The following PRKAG2 variants were observed in gnomAD, a reference collection of about 807,000 sequenced individuals.
PRKAG2 encodes the protein protein kinase AMP-activated non-catalytic subunit gamma 2, also known as 5'-AMP-activated protein kinase subunit gamma-2.
A neutral mutation model predicts 69.6 loss-of-function variants in PRKAG2; 26 were observed. The ratio of observed to expected loss-of-function variants is 0.37; its 90% CI spans 0.27 to 0.52. PRKAG2 has a LOEUF of 0.52. Among genes scored for constraint, PRKAG2 ranks in the 20% least tolerant of loss-of-function variants. The probability of loss-of-function intolerance (pLI) is 0.90; values close to 1 mark genes in which losing one functional copy is unlikely to be tolerated. For missense variants in PRKAG2, 557 were observed against 740.0 expected, an observed-to-expected ratio of 0.75 and a Z score of 2.87; for synonymous variants, 293 against 285.0, an observed-to-expected ratio of 1.03 and a Z score of -0.28.
intron 4 of PRKAG2, among the ~76,000 whole-genome samples, chr7:151,664,018 G>A (rs1006597038): frequency 2.0e-4 from 30 of 152,210 alleles, no homozygotes; most frequent in African/African-American, 7.0e-4. Context: ...ATGAATGCAC[G>A]TAGCTGTGTG....
chr7:151,839,718 T>C (rs1168765828), intron 1 of PRKAG2, among the ~76,000 whole-genome samples: 1 of 152,202 alleles, frequency 6.6e-6, no homozygotes, highest in East Asian at 1.9e-4. Context: ...TGCTCCAGGC[T>C]CTAGCTCTGT....
chr7:151,631,597 C>A (rs1824420654), intron 5 of PRKAG2: 1 of 445,148 alleles, frequency 2.2e-6, no homozygotes, highest in Non-Finnish European at 4.6e-6. Flanking sequence ...TTCAGGTTTT[C>A]CTATTTAACT....
At chr7:151,682,814 CCTGAGGGTGGGGGT>C (rs1834082400) in intron 3 of PRKAG2, among the ~76,000 whole-genome samples, 1 of 147,494 alleles carries the variant, frequency 6.8e-6, no homozygotes, top group Admixed American at 6.8e-5. Context: ...GAGGAGAGGG[CCTGAGGGTGGGGGT>C]GGGACGGTGG....
rs903998263 is a variant in PRKAG2, at chr7:151,567,498, G to A, written c.1233+1218C>T. The stretch of plus-strand genomic sequence containing the variant: ...ATTAAGTGAGCTGCAGGCCTGGCAC[G>A]TGGGGGCCCTGAATACATCCTTCCC... On this transcript the variant is annotated intron_variant, in intron 11 of 15. Transcript: ENST00000287878. The surrounding 1 kb of genome is among the most constrained non-coding windows in gnomAD (Gnocchi z 4.2). 5.3e-5 allele frequency among the ~76,000 whole-genome samples: 8 copies of A among 152,194 alleles called. 1 individual carries two copies. Among genetic ancestry groups the A allele is most frequent in the East Asian group, 3.9e-4 (2 of 5,184 alleles).
intron 3 of PRKAG2, among the ~76,000 whole-genome samples, chr7:151,678,743 G>T (rs545251582): frequency 9.2e-5 from 14 of 152,224 alleles, no homozygotes; most frequent in Non-Finnish European, 1.5e-4. Flanking sequence ...TGGACCACCT[G>T]AGGTTAGGAG....
At position 151,624,125 on chromosome 7, in the gene PRKAG2, G is replaced by A. The variant is rs528975186; in HGVS notation, c.754+7944C>T. 8.3e-4 allele frequency among the ~76,000 whole-genome samples: 124 copies of A among 150,182 alleles called. 4 individuals are homozygous for A. The highest frequency in any genetic ancestry group is 2.8e-4 in the Non-Finnish European group (19 of 67,772). Reference sequence around the variant, plus strand: ...ATACATGGGAAACAGCTCCAAGTGGGACAGAAGGCAGCGTGTGTGTGTGTG... The same window carrying A: ...ATACATGGGAAACAGCTCCAAGTGGAACAGAAGGCAGCGTGTGTGTGTGTG... On this transcript the variant is annotated intron_variant, in intron 5 of 15. Coordinates refer to ENST00000287878, the MANE Select transcript of PRKAG2 (RefSeq NM_016203.4).
rs397517277 is a variant in PRKAG2, at chr7:151,675,484, G to C, written c.620C>G (p.Ser207Cys). 6.2e-7 allele frequency: 1 copy of C among 1,614,206 alleles called. No individual in the cohort carries two copies. The highest frequency in any genetic ancestry group is 1.3e-5 in the African/African-American group (1 of 75,064). The change falls in exon 4 of 16, where the codon TCT becomes TGT. Residue 207 changes from serine (S) to cysteine (C), a missense_variant. This residue lies in a region of PRKAG2 where 352 missense variants were observed against 356.7 expected (regional missense o/e 0.99). Transcript: ENST00000287878. ...AGGCCTGGTCGGGCTCTGGAAGGAA[G>C]ACGGGCAGAACCTCTGCCCTGTGTC... is the stretch of plus-strand genomic sequence containing the variant. ...PPDTGQRFCP[S>C]SFQSPTRPPL... is the part of the protein sequence containing the mutation.
chr7:151,801,493 A>C (rs4128398), intron 1 of PRKAG2, among the ~76,000 whole-genome samples: 1 of 151,996 alleles, frequency 6.6e-6, no homozygotes, highest in Non-Finnish European at 1.5e-5. Context: ...GGCACCAGGC[A>C]GCCTCAGAAT....
chr7:151,782,319 A>G (rs1466849412), intron 2 of PRKAG2, among the ~76,000 whole-genome samples: 1 of 44,512 alleles, frequency 2.2e-5, no homozygotes, highest in Non-Finnish European at 4.2e-5. Flanking sequence ...GAAGGAAGGA[A>G]GGAAGGAAGG....
Position 151,632,464 on chromosome 7 carries a change from C to G in PRKAG2, c.685-326G>C. The G allele has an allele frequency of 1.4e-6, 1 of 725,486 alleles. No individual in the cohort carries two copies. Among genetic ancestry groups the G allele is most frequent in the South Asian group, 6.2e-5 (1 of 16,192 alleles). The allele number at this position is 725,486 out of a possible 1,614,324, so 44.9% of individuals were successfully genotyped here. Reference sequence around the variant, plus strand: ...CCCGGGAGCTCGAGGGCGGCAGCGCCTGGGCCCGGGGCGCCCCCCTCCGGC... The same window carrying G: ...CCCGGGAGCTCGAGGGCGGCAGCGCGTGGGCCCGGGGCGCCCCCCTCCGGC... On this transcript the variant is annotated intron_variant, in intron 4 of 15. Coordinates refer to ENST00000287878, the MANE Select transcript of PRKAG2 (RefSeq NM_016203.4). The surrounding 1 kb of genome is among the most constrained non-coding windows in gnomAD (Gnocchi z 4.2).
At chr7:151,692,825 C>T (rs982330457) in intron 3 of PRKAG2, among the ~76,000 whole-genome samples, 1 of 152,160 alleles carries the variant, frequency 6.6e-6, no homozygotes, top group Non-Finnish European at 1.5e-5. Context: ...CTCCCTCTGG[C>T]CCAAAGGTCA....
rs2076602293 is a variant in PRKAG2, at chr7:151,780,302, C to G, written c.466+850G>C. Among the ~76,000 whole-genome samples, 1 of 152,200 alleles carries G rather than the reference C, an allele frequency of 6.6e-6. No homozygotes were observed. The highest frequency in any genetic ancestry group is 2.1e-4 in the South Asian group (1 of 4,836). On this transcript the variant is annotated intron_variant, in intron 3 of 15. Transcript: ENST00000287878. This position sits in a 1 kb window ranked among gnomAD's most constrained non-coding sequence, Gnocchi z 4.2. ...GGCCTTGCAGATATAAAGCGTTGCT[C>G]TAACACACAGTATTGCCAGTCTTTC...
At chr7:151,651,851 T>G (rs1031880247) in intron 4 of PRKAG2, among the ~76,000 whole-genome samples, 8 of 151,728 alleles carry the variant, frequency 5.3e-5, no homozygotes, top group African/African-American at 1.9e-4. Flanking sequence ...TTATAAACAG[T>G]GAAACTCATA....
chr7:151,577,444 A>G (rs1809240817), intron 6 of PRKAG2, among the ~76,000 whole-genome samples: 1 of 152,236 alleles, frequency 6.6e-6, no homozygotes. Flanking sequence ...TAATAACCCA[A>G]GAAATGCAAA....
chr7:151,768,955 G>T (rs1353177249), intron 3 of PRKAG2, among the ~76,000 whole-genome samples: 1 of 152,224 alleles, frequency 6.6e-6, no homozygotes, highest in Non-Finnish European at 1.5e-5. Context: ...GACCTCAACA[G>T]ACTTGGAGTT....
intron 15 of PRKAG2, chr7:151,557,908 A>C (rs974485712): frequency 6.9e-5 from 68 of 982,598 alleles, no homozygotes; most frequent in African/African-American, 5.8e-4. Context: ...ACAAAAAAAA[A>C]ACCTTTATAA....
chr7:151,574,668 T>G (rs2151033586), intron 8 of PRKAG2, among the ~76,000 whole-genome samples: 1 of 152,332 alleles, frequency 6.6e-6, no homozygotes, highest in East Asian at 1.9e-4. Flanking sequence ...TTATTTTTCC[T>G]GAGAATTCCT....
chr7:151,804,645 G>C (rs2078012003), intron 1 of PRKAG2, among the ~76,000 whole-genome samples: 1 of 152,172 alleles, frequency 6.6e-6, no homozygotes. Flanking sequence ...TCACCAACAG[G>C]CTATTTTGTT....
intron 3 of PRKAG2, among the ~76,000 whole-genome samples, chr7:151,701,535 T>C (rs917472712): frequency 6.6e-6 from 1 of 152,182 alleles, no homozygotes; most frequent in African/African-American, 2.4e-5. Context: ...GCGGTGCATC[T>C]TTTTAAGCCA....
Sources: gnomAD v4.1 joint callset for allele counts (sites outside exome capture counted in the v4.1 genomes callset) on GRCh38, gnomAD v4.1.1 for gene constraint, gnomAD v4.1.1 regional missense constraint, Gnocchi (gnomAD v3.1) non-coding constraint, MANE v1.5 for transcripts, NCBI Gene and HGNC (gene_info 2026-07-23, HGNC 2026-07-21) for gene names.